CLCA1: variants seen among roughly 807,000 people sequenced by gnomAD.
CLCA1 encodes the protein chloride channel accessory 1.
In CLCA1, 59 loss-of-function variants were observed where a neutral mutation model predicts 85.6. The observed-to-expected ratio is 0.69, with a 90% confidence interval of 0.56 to 0.86. The LOEUF (loss-of-function observed/expected upper bound fraction) is 0.86, where lower values mean the gene tolerates loss of function less well. Among genes scored for constraint, CLCA1 ranks in the 40% least tolerant of loss-of-function variants. CLCA1 has a pLI of 0.00. For synonymous variants in CLCA1, 396 were observed against 398.3 expected, an observed-to-expected ratio of 0.99 and a Z score of 0.07; for missense variants, 1,022 against 1,101.4, an observed-to-expected ratio of 0.93 and a Z score of 1.02.
At chr1:86,487,745 T>C (rs1033968208) in intron 7 of CLCA1, among the ~76,000 whole-genome samples, 1 of 152,126 alleles carries the variant, frequency 6.6e-6, no homozygotes, top group African/African-American at 2.4e-5. Flanking sequence ...CTATCCTCCA[T>C]CCAGCCTCTA....
intron 8 of CLCA1, 139 bp from the exon 9 acceptor site, chr1:86,491,126 G>A: frequency 1.9e-6 from 1 of 533,646 alleles, no homozygotes; most frequent in East Asian, 2.9e-5. Context: ...GTTAATGTAG[G>A]CACCTATTTG....
In CLCA1 at chr1:86,494,315, A is replaced by G. The variant is rs929323938; in HGVS notation, c.1809A>G (p.Lys603=). 1.9e-6 allele frequency: 3 copies of G among 1,614,140 alleles called. No individual in the cohort carries two copies. The highest frequency in any genetic ancestry group is 2.5e-6 in the Non-Finnish European group (3 of 1,180,010). The change falls in exon 11 of 14, where the codon AAA becomes AAG. Residue 603 remains lysine, a synonymous_variant. Coordinates refer to ENST00000394711, the MANE Select transcript of CLCA1 (RefSeq NM_001285.4). ...VTSKTNKDTS[K]FPSPLVVYAN... ...CCAAAACGAACAAGGACACCAGCAA[A>G]TTCCCCAGCCCTCTGGTAGTTTATG... is the stretch of plus-strand genomic sequence containing the variant.
intron 4 of CLCA1, among the ~76,000 whole-genome samples, chr1:86,477,624 G>A (rs1647705235): frequency 6.6e-6 from 1 of 152,180 alleles, no homozygotes; most frequent in Admixed American, 6.5e-5. Flanking sequence ...TAAAAAGATA[G>A]AGGCAAAGAT....
chr1:86,474,051 T>C (rs1323504006), intron 3 of CLCA1, among the ~76,000 whole-genome samples, 175 bp downstream of exon 3: 1 of 152,228 alleles, frequency 6.6e-6, no homozygotes, highest in African/African-American at 2.4e-5. Context: ...TTTCCAGCAT[T>C]TCTCAGCTAT....
chr1:86,494,136 C>T (rs530509332), intron 10 of CLCA1, 51 bp from the exon 11 acceptor site: 1 of 1,597,902 alleles, frequency 6.3e-7, no homozygotes, highest in African/African-American at 1.3e-5. Context: ...GAAGTCAGGT[C>T]TGTGTCACCT....
chr1:86,493,775 A>C (rs529891481), intron 10 of CLCA1, among the ~76,000 whole-genome samples, 176 bp downstream of exon 10: 1 of 152,248 alleles, frequency 6.6e-6, no homozygotes, highest in Non-Finnish European at 1.5e-5. Flanking sequence ...TATGTCAGCA[A>C]GTAAAGACAA....
chr1:86,495,760 G>A lies in CLCA1; in HGVS notation c.2113+85G>A, dbSNP rs879312482. The A allele has an allele frequency of 7.2e-6, 9 of 1,257,448 alleles. No individual in the cohort carries two copies. The Admixed American group carries it at 2.0e-4, about 27-fold the overall frequency. The allele number at this position is 1,257,448 out of a possible 1,614,324, so 77.9% of individuals were successfully genotyped here. ...TATTAAGCCTGTGGGGCAGAATGGT[G>A]CATGATTAAATCAGGGTTTCTCAAC... On this transcript the variant is annotated intron_variant, in intron 12 of 13. Coordinates refer to ENST00000394711, the MANE Select transcript of CLCA1 (RefSeq NM_001285.4).
intron 4 of CLCA1, among the ~76,000 whole-genome samples, chr1:86,479,484 T>C (rs5744338): frequency 0.95 from 144,955 of 152,230 alleles, 69,074 homozygotes; most frequent in East Asian, 1. Context: ...TAAAAAAATC[T>C]AAGAGTTCGT....
chr1:86,496,533 C>T (rs540427219), intron 12 of CLCA1, among the ~76,000 whole-genome samples: 1 of 152,236 alleles, frequency 6.6e-6, no homozygotes, highest in South Asian at 2.1e-4. Flanking sequence ...CCAATGGGTT[C>T]CAGGACTAGT....
intron 11 of CLCA1, 88 bp from the exon 12 acceptor site, chr1:86,495,417 T>G (rs1648249980): frequency 1.8e-6 from 2 of 1,128,464 alleles, no homozygotes; most frequent in Admixed American, 4.5e-5. Context: ...TTCTTGTTGC[T>G]TTGAAAATTC....
At chr1:86,479,797 A>C (rs929243814) in intron 4 of CLCA1, among the ~76,000 whole-genome samples, 6 of 152,134 alleles carry the variant, frequency 3.9e-5, no homozygotes, top group African/African-American at 1.4e-4. Flanking sequence ...AGGCAGGAGA[A>C]TGGCATGAAC....
At chr1:86,473,151 G>C (rs1473033076) in intron 1 of CLCA1, among the ~76,000 whole-genome samples, 1 of 152,120 alleles carries the variant, frequency 6.6e-6, no homozygotes, top group East Asian at 1.9e-4. Context: ...ATTAGAAATT[G>C]CCGAATGTCC....
chr1:86,484,659 G>A (rs1647913691), intron 5 of CLCA1, among the ~76,000 whole-genome samples: 1 of 152,204 alleles, frequency 6.6e-6, no homozygotes, highest in Non-Finnish European at 1.5e-5. Context: ...GACTGTGATG[G>A]CTTGGGTGAT....
At chr1:86,493,727 C>T (rs771086616) in intron 10 of CLCA1, 128 bp downstream of exon 10, 107 of 710,502 alleles carry the variant, frequency 1.5e-4, no homozygotes, top group Middle Eastern at 3.5e-4. Flanking sequence ...AAAGAGAGAA[C>T]GAGGAAAAAA....
At chr1:86,486,496 A>T in intron 6 of CLCA1, 30 bp from the exon 7 acceptor site, 1 of 1,600,030 alleles carries the variant, frequency 6.2e-7, no homozygotes, top group Non-Finnish European at 8.6e-7. Context: ...ATCTAAACGT[A>T]ACCTGTTTTT....
At chr1:86,496,171 A>G (rs1455498875) in intron 12 of CLCA1, among the ~76,000 whole-genome samples, 1 of 152,264 alleles carries the variant, frequency 6.6e-6, no homozygotes, top group Non-Finnish European at 1.5e-5. Context: ...TTACTGGTAA[A>G]TAGTGTTTAA....
chr1:86,486,848 C>A, intron 7 of CLCA1, 95 bp downstream of exon 7: 1 of 1,057,094 alleles, frequency 9.5e-7, no homozygotes, highest in Non-Finnish European at 1.4e-6. Context: ...GCCTAGGGTC[C>A]AACTGGATGA....
In CLCA1 at chr1:86,495,591, G is replaced by A. The variant is rs148962584; in HGVS notation, c.2029G>A (p.Ala677Thr). ...TNGRYSVKVR[A>T]LGGVNAARRR... Reference sequence around the variant, plus strand: ...TGGTAGATACAGTGTAAAAGTGCGGGCTCTGGGAGGAGTTAACGCAGCCAG... The same window carrying A: ...TGGTAGATACAGTGTAAAAGTGCGGACTCTGGGAGGAGTTAACGCAGCCAG... Residue 677 changes from alanine (A) to threonine (T), a missense_variant, in exon 12 of 14, where the codon GCT (alanine) becomes ACT (threonine). Coordinates refer to ENST00000394711, the MANE Select transcript of CLCA1 (RefSeq NM_001285.4). 60 of 1,613,956 alleles carry A rather than the reference G, an allele frequency of 3.7e-5. No individual in the cohort carries two copies. The African/African-American group carries it at 7.7e-4, about 21-fold the overall frequency.
Position 86,468,947 on chromosome 1 carries a change from A to G in CLCA1, c.-25A>G. 6.4e-7 allele frequency: 1 copy of G among 1,570,374 alleles called. No homozygotes were observed. ...TTCGTAACCCGCATTTTCCAAAGAGAGAAATCACAGGGAGATGTACAGCAA... is the reference window on the plus strand; with the variant it reads ...TTCGTAACCCGCATTTTCCAAAGAGGGAAATCACAGGGAGATGTACAGCAA... On this transcript the variant is annotated 5_prime_UTR_variant, in exon 1 of 14. Coordinates refer to ENST00000394711, the MANE Select transcript of CLCA1 (RefSeq NM_001285.4).
Sources: gnomAD v4.1 joint callset for allele counts (sites outside exome capture counted in the v4.1 genomes callset) on GRCh38, gnomAD v4.1.1 for gene constraint, MANE v1.5 for transcripts, NCBI Gene and HGNC (gene_info 2026-07-23, HGNC 2026-07-21) for gene names.